The following CABLES1 variants were observed in gnomAD, a reference collection of about 807,000 sequenced individuals.
The protein encoded by CABLES1 is Cdk5 and Abl enzyme substrate 1.
CABLES1 carries 36 observed loss-of-function variants against 57.8 expected under a neutral mutation model. The observed-to-expected ratio is 0.62, with a 90% CI of 0.48 to 0.82. The LOEUF (loss-of-function observed/expected upper bound fraction) is 0.82. Among genes scored for constraint, CABLES1 ranks in the 40% least tolerant of loss-of-function variants. The probability of loss-of-function intolerance (pLI) is 0.00; values close to 1 mark genes in which losing one functional copy is unlikely to be tolerated. For missense variants in CABLES1, 767 were observed against 836.6 expected (o/e 0.92, Z 1.03); for synonymous variants, 374 against 363.0 (o/e 1.03, Z -0.35).
chr18:23,135,808 G>T lies in CABLES1; in HGVS notation c.46G>T (p.Gly16Cys). The change falls in exon 1 of 10, where the codon GGC becomes TGC. Residue 16 changes from glycine (G) to cysteine (C), a missense_variant. Physicochemically the swap from Gly to Cys is radical, Grantham distance 159. Transcript: ENST00000256925. ...AAATTAACSS[G>C]SAGTDAAGAS... is the part of the protein sequence containing the mutation. ...CGCCACCACGGCCGCCTGCAGCAGC[G>T]GCAGCGCCGGCACCGACGCCGCGGG... 8.3e-6 allele frequency: 8 copies of T among 965,570 alleles called. No homozygotes were observed. In the South Asian group the frequency reaches 2.3e-4, roughly 28 times the overall value. 59.8% of individuals were successfully genotyped at this position (965,570 alleles called of 1,614,324 possible). A position where few individuals can be genotyped will look rare whatever the true frequency, so the allele number is the denominator to read the frequency against.
chr18:23,251,571 A>G (rs1266959644), intron 7 of CABLES1, among the ~76,000 whole-genome samples: 1 of 152,226 alleles, frequency 6.6e-6, no homozygotes, highest in Non-Finnish European at 1.5e-5. Context: ...TGTTTAATTC[A>G]GAGTTCACAG....
intron 7 of CABLES1, among the ~76,000 whole-genome samples, chr18:23,249,102 G>C (rs189733102): frequency 1.3e-5 from 2 of 152,244 alleles, no homozygotes; most frequent in Non-Finnish European, 2.9e-5. Context: ...CAGGACTTGA[G>C]GATTCCTGCC....
intron 1 of CABLES1, among the ~76,000 whole-genome samples, chr18:23,169,474 T>G (rs2047067340): frequency 6.6e-6 from 1 of 152,152 alleles, no homozygotes; most frequent in Non-Finnish European, 1.5e-5. Context: ...CCCGCTATTA[T>G]GGTTAAACAT....
At chr18:23,228,243 AGCTG>A (rs1456637306) in intron 4 of CABLES1, among the ~76,000 whole-genome samples, 3 of 152,366 alleles carry the variant, frequency 2.0e-5, no homozygotes, top group African/African-American at 7.2e-5. Flanking sequence ...CTCAGTGAGC[AGCTG>A]GCTGGGCCTC....
At chr18:23,140,010 G>T (rs2046847613) in intron 1 of CABLES1, among the ~76,000 whole-genome samples, 1 of 152,128 alleles carries the variant, frequency 6.6e-6, no homozygotes, top group Admixed American at 6.5e-5. Flanking sequence ...ATTCTGTTGG[G>T]GTGTCCAGGG....
intron 1 of CABLES1, among the ~76,000 whole-genome samples, chr18:23,152,457 C>A (rs1008805903): frequency 2.0e-5 from 3 of 151,520 alleles, no homozygotes; most frequent in African/African-American, 7.3e-5. Context: ...TGGTTAGATA[C>A]CATCTCAAGT....
intron 4 of CABLES1, among the ~76,000 whole-genome samples, chr18:23,230,296 C>T (rs2047558015): frequency 6.6e-6 from 1 of 152,162 alleles, no homozygotes; most frequent in Non-Finnish European, 1.5e-5. Flanking sequence ...GGCATGAACC[C>T]AGGAGGCGGA....
At chr18:23,159,053 C>T (rs1319773864) in intron 1 of CABLES1, among the ~76,000 whole-genome samples, 3 of 152,160 alleles carry the variant, frequency 2.0e-5, no homozygotes, top group Non-Finnish European at 2.9e-5. Flanking sequence ...GTAACCGCCA[C>T]CTCTTGAGTT....
In CABLES1 at chr18:23,169,466, C is replaced by T. The variant is rs548912568; in HGVS notation, c.846-19372C>T. Among the ~76,000 whole-genome samples the T allele has an allele frequency of 9.0e-4, 137 of 152,238 alleles. 1 individual carries two copies. The highest frequency in any genetic ancestry group is 6.8e-3 in the Middle Eastern group (2 of 294). On this transcript the variant is annotated intron_variant, in intron 1 of 9. Transcript: ENST00000256925. Reference sequence around the variant, plus strand: ...ACTAGGTCCCAGCCACCTGAAGACCCGCTATTATGGTTAAACATATGACAT... The same window carrying T: ...ACTAGGTCCCAGCCACCTGAAGACCTGCTATTATGGTTAAACATATGACAT...
chr18:23,185,963 G>A (rs1239476804), intron 1 of CABLES1, among the ~76,000 whole-genome samples: 9 of 152,210 alleles, frequency 5.9e-5, no homozygotes, highest in Admixed American at 5.2e-4. Context: ...AGACCTGAGA[G>A]CAGTGCAAGG....
intron 4 of CABLES1, among the ~76,000 whole-genome samples, chr18:23,215,295 C>T (rs1177486202): frequency 2.6e-5 from 4 of 152,132 alleles, no homozygotes; most frequent in African/African-American, 4.8e-5. Flanking sequence ...GCTGTGGCCC[C>T]GGGTCTGGCT....
At chr18:23,187,329 G>A (rs1231888860) in intron 1 of CABLES1, among the ~76,000 whole-genome samples, 1 of 152,242 alleles carries the variant, frequency 6.6e-6, no homozygotes, top group Non-Finnish European at 1.5e-5. Context: ...TGATGAGTGA[G>A]GAGCTGAGAG....
Position 23,260,097 on chromosome 18 carries a change from CG to C in CABLES1, c.*2733del, listed in dbSNP as rs2145154720. On this transcript the variant is annotated 3_prime_UTR_variant, in exon 10 of 10. Transcript: ENST00000256925. ...TGCTGCAGCTGCCCCCAGGAGGAAA[CG>C]GGCAGCAGGGAGTGTGGCCCAGCCC... The C allele has an allele frequency of 1.3e-5, 2 of 152,326 alleles. No homozygotes were observed. The highest frequency in any genetic ancestry group is 4.8e-5 in the African/African-American group (2 of 41,548). 9.4% of individuals were successfully genotyped at this position (152,326 alleles called of 1,614,324 possible).
intron 1 of CABLES1, among the ~76,000 whole-genome samples, chr18:23,171,534 G>A (rs1431312170): frequency 6.6e-6 from 1 of 152,210 alleles, no homozygotes; most frequent in Admixed American, 6.5e-5. Flanking sequence ...GCTTTACAAA[G>A]TCTGTTTTGT....
chr18:23,222,830 T>G (rs1216783813), intron 4 of CABLES1, among the ~76,000 whole-genome samples: 1 of 152,076 alleles, frequency 6.6e-6, no homozygotes, highest in Non-Finnish European at 1.5e-5. Flanking sequence ...CCTGCTTCTC[T>G]CCAAGTGACT....
At chr18:23,144,119 C>G (rs1177180909) in intron 1 of CABLES1, among the ~76,000 whole-genome samples, 1 of 152,244 alleles carries the variant, frequency 6.6e-6, no homozygotes, top group Non-Finnish European at 1.5e-5. Context: ...CAGAGCCAGC[C>G]GCTGCTCTCC....
chr18:23,220,081 A>G (rs17259035), intron 4 of CABLES1, among the ~76,000 whole-genome samples: 7,213 of 152,110 alleles, frequency 0.047, 611 homozygotes, highest in Admixed American at 0.22. Context: ...CTGATAAGGG[A>G]TCGGCCTCAC....
intron 7 of CABLES1, among the ~76,000 whole-genome samples, chr18:23,241,729 G>T (rs1174381138): frequency 6.6e-6 from 1 of 152,040 alleles, no homozygotes; most frequent in African/African-American, 2.4e-5. Flanking sequence ...ATATTAACCA[G>T]CCATGATGTA....
chr18:23,170,059 C>T (rs1463840605), intron 1 of CABLES1, among the ~76,000 whole-genome samples: 1 of 152,214 alleles, frequency 6.6e-6, no homozygotes, highest in Non-Finnish European at 1.5e-5. Flanking sequence ...TGCCAGACTG[C>T]TGTCCTTCTA....
Sources: allele counts gnomAD v4.1 joint callset (sites outside exome capture counted in the v4.1 genomes callset), GRCh38; gene constraint gnomAD v4.1.1; transcripts MANE v1.5; gene names NCBI Gene and HGNC (gene_info 2026-07-23, HGNC 2026-07-21).